The following CUL1 variants were observed in gnomAD, a reference collection of about 807,000 sequenced individuals.
The protein encoded by CUL1 is cullin 1, also known as cullin-1.
Under a neutral mutation model 118.0 loss-of-function variants are expected in CUL1, and 24 were observed. The observed-to-expected ratio is 0.20, with a 90% confidence interval of 0.15 to 0.29. The LOEUF (loss-of-function observed/expected upper bound fraction) is 0.29. CUL1 is among the 10% of genes least tolerant of loss of function. The probability of loss-of-function intolerance (pLI) is 1.00; values close to 1 mark genes in which losing one functional copy is unlikely to be tolerated. For synonymous variants in CUL1, 332 were observed against 340.4 expected (o/e 0.98, Z 0.27); for missense variants, 361 against 933.8 (o/e 0.39, Z 7.99).
chr7:148,742,095 T>C (rs1175804531), intron 2 of CUL1, among the ~76,000 whole-genome samples: 5 of 152,238 alleles, frequency 3.3e-5, no homozygotes, highest in Non-Finnish European at 7.3e-5. Flanking sequence ...CTTGAAATTC[T>C]ATATGTATTT....
intron 9 of CUL1, among the ~76,000 whole-genome samples, chr7:148,772,272 G>A (rs1415028427): frequency 6.6e-6 from 1 of 152,016 alleles, no homozygotes; most frequent in African/African-American, 2.4e-5. Context: ...AAAATTAGCC[G>A]GGCGTGTTAG....
chr7:148,744,411 TGTG>T (rs1799243176), intron 2 of CUL1, among the ~76,000 whole-genome samples: 1 of 118,140 alleles, frequency 8.5e-6, no homozygotes, highest in African/African-American at 2.9e-5. Context: ...TGTGTGTGTG[TGTG>T]TGTGTGTGTG....
intron 7 of CUL1, among the ~76,000 whole-genome samples, chr7:148,766,327 T>C (rs1483649196): frequency 6.6e-6 from 1 of 152,150 alleles, no homozygotes; most frequent in African/African-American, 2.4e-5. Context: ...GGTCGCACTG[T>C]GTTGCCCAGG....
chr7:148,773,952 C>A (rs1452264708), intron 9 of CUL1, among the ~76,000 whole-genome samples: 2 of 152,158 alleles, frequency 1.3e-5, no homozygotes, highest in Admixed American at 1.3e-4. Flanking sequence ...GTCCTCAGAG[C>A]TTATTATGAC....
At chr7:148,718,584 A>G (rs1798291086) in intron 1 of CUL1, among the ~76,000 whole-genome samples, 1 of 152,010 alleles carries the variant, frequency 6.6e-6, no homozygotes. Flanking sequence ...TAGTCTGACT[A>G]CTTGGCATTA....
At chr7:148,763,952 T>C (rs1350057284) in intron 7 of CUL1, among the ~76,000 whole-genome samples, 2 of 152,312 alleles carry the variant, frequency 1.3e-5, no homozygotes, top group African/African-American at 2.4e-5. Context: ...ACAGGAAACA[T>C]CTAAGAATAT....
chr7:148,759,962 G>A (rs1400621335), intron 6 of CUL1, among the ~76,000 whole-genome samples: 1 of 152,112 alleles, frequency 6.6e-6, no homozygotes, highest in Non-Finnish European at 1.5e-5. Context: ...TTGAAAAATT[G>A]AGATTGAGAA....
chr7:148,705,722 C>A (rs1021873298), intron 1 of CUL1, among the ~76,000 whole-genome samples: 3 of 152,020 alleles, frequency 2.0e-5, no homozygotes, highest in Non-Finnish European at 2.9e-5. Context: ...ACTCTTTGAT[C>A]CCAAGTGGAA....
At chr7:148,726,703 G>C (rs560561759) in intron 1 of CUL1, among the ~76,000 whole-genome samples, 1 of 152,236 alleles carries the variant, frequency 6.6e-6, no homozygotes, top group South Asian at 2.1e-4. Flanking sequence ...TTCATCTGAA[G>C]AGGAAGGGTC....
rs778585190 is a variant in CUL1 at position 148,792,710 on chromosome 7, A to T, written c.1807-16A>T. ...TAAATTTTCCTTCTTTTTCTTTTAT[A>T]TGGGGGGCCGCAAAGGCGTCGACAT... On this transcript the variant is annotated splice_polypyrimidine_tract_variant and intron_variant, in intron 16 of 21. Transcript: ENST00000325222. 1 of 1,599,000 alleles carries T rather than the reference A, an allele frequency of 6.3e-7. No individual in the cohort carries two copies.
chr7:148,732,835 A>C (rs1183684742), intron 2 of CUL1, among the ~76,000 whole-genome samples: 2 of 152,094 alleles, frequency 1.3e-5, no homozygotes, highest in Admixed American at 6.5e-5. Context: ...CTGCCTCTCA[A>C]ATTGGGTAGT....
At chr7:148,781,220 A>G (rs1044339806) in intron 9 of CUL1, among the ~76,000 whole-genome samples, 2 of 150,848 alleles carry the variant, frequency 1.3e-5, no homozygotes, top group African/African-American at 2.4e-5. Context: ...AGCTGGGATT[A>G]TAGGCGCCTG....
At chr7:148,757,355 C>G (rs1213458676) in intron 4 of CUL1, among the ~76,000 whole-genome samples, 3 of 152,068 alleles carry the variant, frequency 2.0e-5, no homozygotes, top group Non-Finnish European at 4.4e-5. Flanking sequence ...TTCTAAAATA[C>G]AATTTGCCCA....
At chr7:148,762,161 C>T (rs1799851314) in intron 7 of CUL1, among the ~76,000 whole-genome samples, 1 of 152,186 alleles carries the variant, frequency 6.6e-6, no homozygotes, top group South Asian at 2.1e-4. Flanking sequence ...CCTGCTTGCC[C>T]TGTATTCCCT....
At chr7:148,699,510 C>T (rs1414037961) in intron 1 of CUL1, among the ~76,000 whole-genome samples, 1 of 152,144 alleles carries the variant, frequency 6.6e-6, no homozygotes, top group Non-Finnish European at 1.5e-5. Flanking sequence ...CTTCCCGGCG[C>T]TGCTTTCCGG....
chr7:148,707,605 C>T (rs1797927731), intron 1 of CUL1, among the ~76,000 whole-genome samples: 1 of 152,010 alleles, frequency 6.6e-6, no homozygotes, highest in African/African-American at 2.4e-5. Context: ...AGGTATTAAG[C>T]CCTGCATACA....
rs1192517668 is a variant in CUL1 at position 148,730,102 on chromosome 7, G to A, written c.-21G>A. The A allele has an allele frequency of 2.5e-6, 4 of 1,608,150 alleles. No homozygotes were observed. The highest frequency in any genetic ancestry group is 2.2e-5 in the South Asian group (2 of 90,152). On this transcript the variant is annotated 5_prime_UTR_variant, in exon 2 of 22. Transcript: ENST00000325222. ...TTGAATAAGGATTGCTGCACTGGAC[G>A]ACTTTAGAACATCCCTCACAATGTC...
In CUL1 at chr7:148,790,476, T is replaced by G. The variant is rs760559121; in HGVS notation, c.1806+35T>G. 15 of 1,580,134 alleles carry G rather than the reference T, an allele frequency of 9.5e-6. No individual in the cohort carries two copies. The South Asian group carries it at 1.7e-4, about 18-fold the overall frequency. On this transcript the variant is annotated intron_variant, in intron 16 of 21. Transcript: ENST00000325222. ...CATTTTTATCTTAAAATTTTTCTAT[T>G]CTAAATGAACATAAGGCAAATTATG...
At chr7:148,780,776 G>C (rs186122925) in intron 9 of CUL1, among the ~76,000 whole-genome samples, 84 of 152,244 alleles carry the variant, frequency 5.5e-4, no homozygotes, top group Non-Finnish European at 9.3e-4. Context: ...ATACACAGAG[G>C]GTCCTGAATC....
Sources: gnomAD v4.1 joint callset for allele counts (sites outside exome capture counted in the v4.1 genomes callset) on GRCh38, gnomAD v4.1.1 for gene constraint, MANE v1.5 for transcripts, NCBI Gene and HGNC (gene_info 2026-07-23, HGNC 2026-07-21) for gene names.